CHFR: variants seen among roughly 807,000 people sequenced by gnomAD.
CHFR encodes the protein checkpoint with forkhead and ring finger domains, also known as E3 ubiquitin-protein ligase CHFR.
Under a neutral mutation model 87.6 loss-of-function variants are expected in CHFR, and 57 were observed. That is an observed-to-expected ratio of 0.65 (90% CI 0.53 to 0.81). The LOEUF is 0.81. Ranked by LOEUF, CHFR falls within the 30% of genes least tolerant of loss-of-function variation. The probability of loss-of-function intolerance (pLI) is 0.00; values close to 1 mark genes in which losing one functional copy is unlikely to be tolerated. For synonymous variants in CHFR, 381 were observed against 359.2 expected, an observed-to-expected ratio of 1.06 and a Z score of -0.69; for missense variants, 797 against 865.8, an observed-to-expected ratio of 0.92 and a Z score of 1.00.
chr12:132,873,540 AGGG>A, intron 3 of CHFR, among the ~76,000 whole-genome samples: 3 of 151,856 alleles, frequency 2.0e-5, no homozygotes, highest in Admixed American at 6.6e-5. Flanking sequence ...CCTGCTCCAC[AGGG>A]CTGGCTACGG....
intron 12 of CHFR, among the ~76,000 whole-genome samples, chr12:132,850,823 T>G (rs1950922690): frequency 6.6e-6 from 1 of 151,776 alleles, no homozygotes; most frequent in South Asian, 2.1e-4. Flanking sequence ...ACCTAACACT[T>G]TCACATATAA....
rs7966344 is a variant in CHFR at position 132,878,978 on chromosome 12, T to C, written c.134-1324A>G. On this transcript the variant is annotated intron_variant, in intron 2 of 17. Transcript: ENST00000450056. ...GAAAAAGTGACTGAGCCAACTGTGATAGGCATTTGTTTTTTTTTTTGTTTT... is the reference window on the plus strand; with the variant it reads ...GAAAAAGTGACTGAGCCAACTGTGACAGGCATTTGTTTTTTTTTTTGTTTT... Among the ~76,000 whole-genome samples, 463 of 151,218 alleles carry C rather than the reference T, an allele frequency of 3.1e-3. 7 individuals carry two copies. Among genetic ancestry groups the C allele is most frequent in the African/African-American group, 0.01 (433 of 41,276 alleles).
chr12:132,848,160 C>G lies in CHFR; in HGVS notation c.1577-5G>C. ...ACTTGTCACCCAGGTTGAGCTCTGC[C>G]GAGATGAAGGGGCAATGTTACCTGT... is the stretch of plus-strand genomic sequence containing the variant. On this transcript the variant is annotated splice_region_variant and splice_polypyrimidine_tract_variant and intron_variant, in intron 13 of 17. Coordinates refer to ENST00000450056, the MANE Select transcript of CHFR (RefSeq NM_001161346.2). The G allele has an allele frequency of 1.2e-6, 2 of 1,613,962 alleles. No individual in the cohort carries two copies. Among genetic ancestry groups the G allele is most frequent in the Non-Finnish European group, 1.7e-6 (2 of 1,179,954 alleles).
intron 10 of CHFR, chr12:132,854,771 A>C (rs1231783678): frequency 6.6e-6 from 1 of 151,576 alleles, no homozygotes; most frequent in Admixed American, 6.6e-5. Context: ...CAGCCACTGC[A>C]CTCCAGCCTG....
intron 11 of CHFR, among the ~76,000 whole-genome samples, chr12:132,853,198 G>A (rs944408294): frequency 6.6e-6 from 1 of 152,196 alleles, no homozygotes; most frequent in East Asian, 1.9e-4. Context: ...TTAATTCCCA[G>A]GAGTGTTCAG....
At chr12:132,847,551 G>A in intron 14 of CHFR, 1 of 1,077,122 alleles carries the variant, frequency 9.3e-7, no homozygotes, top group Non-Finnish European at 1.1e-6. Flanking sequence ...TCAAAGCAGA[G>A]TGTGGGGCTG....
At chr12:132,843,104 C>T (rs761156319) in intron 16 of CHFR, 21 bp from the exon 17 acceptor site, 18 of 1,607,164 alleles carry the variant, frequency 1.1e-5, no homozygotes, top group East Asian at 1.1e-4. Flanking sequence ...AGAAGGGGTA[C>T]GCATCTATGA....
chr12:132,867,498 T>C (rs890981524), intron 6 of CHFR: 5 of 152,208 alleles, frequency 3.3e-5, no homozygotes, highest in African/African-American at 1.2e-4. Flanking sequence ...GTGTCAGTGA[T>C]GTTCAGAGCT....
chr12:132,858,812 T>C (rs1422871597), intron 8 of CHFR, among the ~76,000 whole-genome samples: 4 of 126,126 alleles, frequency 3.2e-5, no homozygotes, highest in Non-Finnish European at 6.3e-5. Context: ...GGCATAGTGG[T>C]GTGCACCTGT....
chr12:132,880,921 C>T (rs535979777), intron 2 of CHFR, among the ~76,000 whole-genome samples: 2 of 149,464 alleles, frequency 1.3e-5, no homozygotes, highest in African/African-American at 4.9e-5. Flanking sequence ...GCCGAGATCA[C>T]GCCACTGCAC....
At chr12:132,859,552 G>A (rs1014055717) in intron 7 of CHFR, among the ~76,000 whole-genome samples, 1 of 152,036 alleles carries the variant, frequency 6.6e-6, no homozygotes, top group Non-Finnish European at 1.5e-5. Flanking sequence ...GGGTTTCACC[G>A]TGTTAGCCAG....
At chr12:132,847,529 C>T (rs1950855605) in intron 14 of CHFR, 3 of 1,078,516 alleles carry the variant, frequency 2.8e-6, no homozygotes, top group African/African-American at 1.6e-5. Context: ...TGTTGAGCTC[C>T]TTCTGTGGGC....
chr12:132,866,719 G>A (rs1351965701), intron 6 of CHFR: 1 of 152,098 alleles, frequency 6.6e-6, no homozygotes, highest in Non-Finnish European at 1.5e-5. Flanking sequence ...ACAACACATT[G>A]GAATGTTACA....
intron 6 of CHFR, chr12:132,867,141 G>C (rs772942836): frequency 6.6e-6 from 1 of 152,326 alleles, no homozygotes; most frequent in African/African-American, 2.4e-5. Context: ...GAACATCAAC[G>C]AACAGGAGAG....
At position 132,835,113 on chromosome 12, in the gene CHFR, T is replaced by G. The variant is rs758519807; in HGVS notation, c.*6441A>C. The G allele has an allele frequency of 4.6e-5, 7 of 152,182 alleles. No homozygotes were observed. Among genetic ancestry groups the G allele is most frequent in the Non-Finnish European group, 8.8e-5 (6 of 68,054 alleles). The allele number at this position is 152,182 out of a possible 1,614,324, so 9.4% of individuals were successfully genotyped here. ...CATCTCAAGGTCCTTAATTCCACCA[T>G]ATCTGCAAAGCCCCTTTTACGGTGC... is the stretch of plus-strand genomic sequence containing the variant. On this transcript the variant is annotated 3_prime_UTR_variant, in exon 18 of 18. Transcript: ENST00000450056.
At chr12:132,848,852 C>A in intron 12 of CHFR, 128 bp from the exon 13 acceptor site, 1 of 675,050 alleles carries the variant, frequency 1.5e-6, no homozygotes, top group African/African-American at 1.8e-5. Flanking sequence ...TCATGGAAAT[C>A]GGGGCGGGGC....
At position 132,857,387 on chromosome 12, in the gene CHFR, G is replaced by A. The variant is rs548637911; in HGVS notation, c.1066+18C>T. The A allele has an allele frequency of 3.4e-5, 55 of 1,613,288 alleles. No individual in the cohort carries two copies. The East Asian group carries it at 1.1e-3, about 32-fold the overall frequency. Reference sequence around the variant, plus strand: ...CGCCCTCACGTGCCCGGGTGCTGGTGTGGATGCCCTCACTTGCCTGGATGC... The same window carrying A: ...CGCCCTCACGTGCCCGGGTGCTGGTATGGATGCCCTCACTTGCCTGGATGC... On this transcript the variant is annotated intron_variant, in intron 9 of 17. Transcript: ENST00000450056.
intron 17 of CHFR, among the ~76,000 whole-genome samples, chr12:132,841,837 G>C (rs1214987674): frequency 6.6e-6 from 1 of 152,138 alleles, no homozygotes; most frequent in African/African-American, 2.4e-5. Context: ...GCCACGCACA[G>C]TGGCTAATGT....
chr12:132,844,370 C>T (rs1050440965), intron 15 of CHFR, among the ~76,000 whole-genome samples: 16 of 152,232 alleles, frequency 1.1e-4, no homozygotes, highest in East Asian at 1.9e-4. Context: ...CTGCAAGCTC[C>T]GCCTCCCGGG....
Sources: gnomAD v4.1 joint callset for allele counts (sites outside exome capture counted in the v4.1 genomes callset) on GRCh38, gnomAD v4.1.1 for gene constraint, MANE v1.5 for transcripts, NCBI Gene and HGNC (gene_info 2026-07-23, HGNC 2026-07-21) for gene names.